Variants in TBC1D9B observed in about 807,000 individuals in gnomAD.
TBC1D9B encodes TBC1 domain family member 9B.
Under a neutral mutation model 121.1 loss-of-function variants are expected in TBC1D9B, and 87 were observed. The observed-to-expected ratio is 0.72, with a 90% CI of 0.60 to 0.86. The LOEUF (loss-of-function observed/expected upper bound fraction) is 0.86. Among genes scored for constraint, TBC1D9B ranks in the 40% least tolerant of loss-of-function variants. The pLI is 0.00. For synonymous variants in TBC1D9B, 668 were observed against 670.1 expected (o/e 1.00, Z 0.05); for missense variants, 1,540 against 1,628.6 (o/e 0.95, Z 0.94).
intron 7 of TBC1D9B, among the ~76,000 whole-genome samples, chr5:179,882,627 C>G (rs932560906): frequency 5.3e-5 from 8 of 152,064 alleles, no homozygotes; most frequent in Non-Finnish European, 1.2e-4. Flanking sequence ...GTGGATCACC[C>G]TAGGTCAGGA....
In TBC1D9B at chr5:179,890,142, C is replaced by G. The variant is rs748779197; in HGVS notation, c.1044+1237G>C. ...GGGAGTGAAATTCAAGAGTCCACTACACCCACAGCAGAGTGAGCTGCGTGC... is the reference window on the plus strand; with the variant it reads ...GGGAGTGAAATTCAAGAGTCCACTAGACCCACAGCAGAGTGAGCTGCGTGC... On this transcript the variant is annotated intron_variant, in intron 6 of 20. Coordinates refer to ENST00000355235, the MANE Select transcript of TBC1D9B (RefSeq NM_015043.4). The surrounding 1 kb of genome is among the most constrained non-coding windows in gnomAD (Gnocchi z 5.0). Among the ~76,000 whole-genome samples, 3 of 152,226 alleles carry G rather than the reference C, an allele frequency of 2.0e-5. No homozygotes were observed. Among genetic ancestry groups the G allele is most frequent in the Non-Finnish European group, 4.4e-5 (3 of 68,032 alleles).
At chr5:179,892,907 G>C (rs1260603058) in intron 5 of TBC1D9B, among the ~76,000 whole-genome samples, 1 of 152,248 alleles carries the variant, frequency 6.6e-6, no homozygotes, top group Admixed American at 6.5e-5. Flanking sequence ...CTGTGCCTCA[G>C]CTTCCTTGTC....
At position 179,875,313 on chromosome 5, in the gene TBC1D9B, T is replaced by TG. The variant is rs1760330068; in HGVS notation, c.1901-127dup. On this transcript the variant is annotated intron_variant, in intron 11 of 20. Coordinates refer to ENST00000355235, the MANE Select transcript of TBC1D9B (RefSeq NM_015043.4). This position sits in a 1 kb window ranked among gnomAD's most constrained non-coding sequence, Gnocchi z 4.5. ...TGTGCAGTGAGGGCTGAGGGAGACT[T>TG]GGAGTGCTGGGAGAAAACAAGGACG... 4 of 1,217,792 alleles carry TG rather than the reference T, an allele frequency of 3.3e-6. No homozygotes were observed. The African/African-American group carries it at 6.1e-5, about 18-fold the overall frequency. The allele number at this position is 1,217,792 out of a possible 1,614,324, so 75.4% of individuals were successfully genotyped here. A position where few individuals can be genotyped will look rare whatever the true frequency, so the allele number is the denominator to read the frequency against.
rs979050426 is a variant in TBC1D9B, at chr5:179,890,964, T to C, written c.1044+415A>G. Among the ~76,000 whole-genome samples, 2 of 152,214 alleles carry C rather than the reference T, an allele frequency of 1.3e-5. No individual in the cohort carries two copies. The highest frequency in any genetic ancestry group is 2.9e-5 in the Non-Finnish European group (2 of 68,022). On this transcript the variant is annotated intron_variant, in intron 6 of 20. Coordinates refer to ENST00000355235, the MANE Select transcript of TBC1D9B (RefSeq NM_015043.4). This position sits in a 1 kb window ranked among gnomAD's most constrained non-coding sequence, Gnocchi z 5.0. ...AGCCGAGCCACGCCAAGGTGGTATG[T>C]CCAGAGAGGACTGGTGAGGTGGCCT... is the stretch of plus-strand genomic sequence containing the variant.
Position 179,890,899 on chromosome 5 carries a change from C to A in TBC1D9B, c.1044+480G>T, listed in dbSNP as rs1382431924. Among the ~76,000 whole-genome samples the A allele has an allele frequency of 6.6e-6, 1 of 152,166 alleles. No individual in the cohort carries two copies. The highest frequency in any genetic ancestry group is 1.5e-5 in the Non-Finnish European group (1 of 68,008). The stretch of plus-strand genomic sequence containing the variant: ...GCAGCCTCACAGGGGAGAGCCGACG[C>A]CGCCCCACAGGGGAGAGCCGACCTC... On this transcript the variant is annotated intron_variant, in intron 6 of 20. Coordinates refer to ENST00000355235, the MANE Select transcript of TBC1D9B (RefSeq NM_015043.4). The surrounding 1 kb of genome is among the most constrained non-coding windows in gnomAD (Gnocchi z 5.0).
intron 7 of TBC1D9B, among the ~76,000 whole-genome samples, chr5:179,883,057 C>T (rs1240111979): frequency 1.3e-5 from 2 of 152,144 alleles, no homozygotes; most frequent in Non-Finnish European, 2.9e-5. Context: ...CAGAGTTTCA[C>T]CATGTTGGCC....
In TBC1D9B at chr5:179,873,231, A is replaced by C; in HGVS notation, c.2204T>G (p.Val735Gly). 1.2e-6 allele frequency: 2 copies of C among 1,610,650 alleles called. No individual in the cohort carries two copies. The highest frequency in any genetic ancestry group is 1.7e-6 in the Non-Finnish European group (2 of 1,178,362). ...AGGAGGAGAGACACTCTGCTTGTTG[A>C]CCACATTATCCAGGTATCTGCAAAG... Reference protein sequence around the residue: ...TMLGRYLDNVVNKQSVSPPIP... With the variant: ...TMLGRYLDNVGNKQSVSPPIP... Residue 735 changes from valine (V) to glycine (G), a missense_variant, in exon 13 of 21, where the codon GTC (valine) becomes GGC (glycine). Transcript: ENST00000355235.
intron 8 of TBC1D9B, 170 bp from the exon 9 acceptor site, chr5:179,879,367 C>T: frequency 8.7e-7 from 1 of 1,152,374 alleles, no homozygotes; most frequent in Middle Eastern, 2.9e-4. Flanking sequence ...CCTCCCAAGG[C>T]TCAGGAGACC....
chr5:179,904,710 A>C lies in TBC1D9B; in HGVS notation c.221T>G (p.Val74Gly). The C allele has an allele frequency of 6.4e-7, 1 of 1,568,804 alleles. No homozygotes were observed. The highest frequency in any genetic ancestry group is 1.9e-5 in the Admixed American group (1 of 53,154). ...CCACTCAGGGCACCTACCACACGCC[A>C]CTGTCCAGTAGACCTGGGAGTCCTG... ...QTQDSQVYWTVACGSSRKEIT... is the reference protein window; with the variant it reads ...QTQDSQVYWTGACGSSRKEIT... Residue 74 changes from valine (V) to glycine (G), a missense_variant, in exon 2 of 21, where the codon GTG becomes GGG. Coordinates refer to ENST00000355235, the MANE Select transcript of TBC1D9B (RefSeq NM_015043.4). This position sits in a 1 kb window ranked among gnomAD's most constrained non-coding sequence, Gnocchi z 4.2.
At position 179,904,623 on chromosome 5, in the gene TBC1D9B, G is replaced by A. The variant is rs1761260097; in HGVS notation, c.229+79C>T. 4.8e-6 allele frequency: 6 copies of A among 1,251,120 alleles called. No individual in the cohort carries two copies. In the South Asian group the frequency reaches 7.8e-5, roughly 16 times the overall value. 77.5% of individuals were successfully genotyped at this position (1,251,120 alleles called of 1,614,324 possible). A position where few individuals can be genotyped will look rare whatever the true frequency, so the allele number is the denominator to read the frequency against. ...CAGGGAATACCACCCAGACACGTGG[G>A]CTACACACCCCTTCCTCTCGGCAAC... is the stretch of plus-strand genomic sequence containing the variant. On this transcript the variant is annotated intron_variant, in intron 2 of 20. Coordinates refer to ENST00000355235, the MANE Select transcript of TBC1D9B (RefSeq NM_015043.4). This position sits in a 1 kb window ranked among gnomAD's most constrained non-coding sequence, Gnocchi z 4.2.
At chr5:179,880,305 C>A (rs1356570232) in intron 7 of TBC1D9B, among the ~76,000 whole-genome samples, 3 of 152,244 alleles carry the variant, frequency 2.0e-5, no homozygotes, top group Non-Finnish European at 4.4e-5. Context: ...CATGCAAGGC[C>A]TGCTGCTGCC....
At chr5:179,866,576 C>CA (rs1487903992) in intron 18 of TBC1D9B, 1 of 152,396 alleles carries the variant, frequency 6.6e-6, no homozygotes, top group East Asian at 1.9e-4. Context: ...TGGGCTCAGG[C>CA]AACTCACCCT....
Position 179,904,810 on chromosome 5 carries a change from G to A in TBC1D9B, c.121C>T (p.Leu41Phe). 1 of 1,558,802 alleles carries A rather than the reference G, an allele frequency of 6.4e-7. No homozygotes were observed. Among genetic ancestry groups the A allele is most frequent in the Non-Finnish European group, 8.7e-7 (1 of 1,151,136 alleles). ...ACCACGTCCAGGGTGCCCACGAGAAGACCTGGGAACAGGGCAGAGAGACAT... is the reference window on the plus strand; with the variant it reads ...ACCACGTCCAGGGTGCCCACGAGAAAACCTGGGAACAGGGCAGAGAGACAT... ...GHGRGGGLTG[L>F]LVGTLDVVLD... Residue 41 changes from leucine (L) to phenylalanine (F), a missense_variant and splice_region_variant, in exon 2 of 21, where the codon CTT becomes TTT. Physicochemically the swap from Leu to Phe is conservative, Grantham distance 22. Transcript: ENST00000355235. This position sits in a 1 kb window ranked among gnomAD's most constrained non-coding sequence, Gnocchi z 4.2.
Position 179,899,291 on chromosome 5 carries a change from C to G in TBC1D9B, c.246G>C (p.Glu82Asp). 6.2e-7 allele frequency: 1 copy of G among 1,613,896 alleles called. No homozygotes were observed. The highest frequency in any genetic ancestry group is 8.5e-7 in the Non-Finnish European group (1 of 1,179,940). The change falls in exon 3 of 21, where the codon GAG (glutamate) becomes GAC (aspartate). Residue 82 changes from glutamate to aspartate, a missense_variant. Coordinates refer to ENST00000355235, the MANE Select transcript of TBC1D9B (RefSeq NM_015043.4). ...WTVACGSSRK[E>D]ITKHWEWLEN... ...CCAGCCATTCCCAGTGTTTTGTGAT[C>G]TCTTTGCGGGAAGAACCTAGAAGAG... is the stretch of plus-strand genomic sequence containing the variant.
At position 179,878,462 on chromosome 5, in the gene TBC1D9B, G is replaced by A. The variant is rs35355584; in HGVS notation, c.1629C>T (p.Thr543=). 2.1e-3 allele frequency: 3,403 copies of A among 1,612,242 alleles called. 71 individuals carry two copies. In the African/African-American group the frequency reaches 0.04, roughly 19 times the overall value. ...GYYAELVEKS[T]GKYSLATEEI... is the part of the protein sequence containing the mutation. ...CCTCTGTGGCCAGGCTGTACTTCCC[G>A]GTGGACTTCTCCACCAGCTCAGCAT... is the stretch of plus-strand genomic sequence containing the variant. The change falls in exon 10 of 21, where the codon ACC becomes ACT. Residue 543 remains threonine, a synonymous_variant. Transcript: ENST00000355235.
intron 7 of TBC1D9B, among the ~76,000 whole-genome samples, chr5:179,883,139 G>A (rs1268785846): frequency 6.6e-6 from 1 of 152,188 alleles, no homozygotes; most frequent in Non-Finnish European, 1.5e-5. Context: ...GATTACAGGT[G>A]TGAGCCACTG....
chr5:179,891,283 C>A lies in TBC1D9B; in HGVS notation c.1044+96G>T. ...GCTAGGGCATCCTCCCAGGTACCCC[C>A]CAGTGAGACAGGGCAGAGCAGGACA... On this transcript the variant is annotated intron_variant, in intron 6 of 20. Coordinates refer to ENST00000355235, the MANE Select transcript of TBC1D9B (RefSeq NM_015043.4). The surrounding 1 kb of genome is among the most constrained non-coding windows in gnomAD (Gnocchi z 4.3). The A allele has an allele frequency of 7.1e-7, 1 of 1,418,268 alleles. No individual in the cohort carries two copies. The highest frequency in any genetic ancestry group is 1.2e-5 in the South Asian group (1 of 80,962). The allele number at this position is 1,418,268 out of a possible 1,614,324, so 87.9% of individuals were successfully genotyped here.
At chr5:179,895,659 A>G (rs1760998372) in intron 3 of TBC1D9B, among the ~76,000 whole-genome samples, 1 of 152,184 alleles carries the variant, frequency 6.6e-6, no homozygotes, top group Non-Finnish European at 1.5e-5. Context: ...TCAGCTCAAA[A>G]TGTACACATT....
At chr5:179,889,348 C>G (rs191632885) in intron 6 of TBC1D9B, among the ~76,000 whole-genome samples, 135 of 152,104 alleles carry the variant, frequency 8.9e-4, no homozygotes, top group African/African-American at 3.1e-3. Flanking sequence ...CTTTTTATGT[C>G]TGTGTGTGAA....
Sources: gnomAD v4.1 joint callset for allele counts (sites outside exome capture counted in the v4.1 genomes callset) on GRCh38, gnomAD v4.1.1 for gene constraint, Gnocchi (gnomAD v3.1) non-coding constraint, MANE v1.5 for transcripts, NCBI Gene and HGNC (gene_info 2026-07-23, HGNC 2026-07-21) for gene names.